The following HELLS variants were observed in gnomAD, a reference collection of about 807,000 sequenced individuals.
The protein encoded by HELLS is helicase, lymphoid specific.
A neutral mutation model predicts 120.0 loss-of-function variants in HELLS; 32 were observed. The ratio of observed to expected loss-of-function variants is 0.27; its 90% CI spans 0.20 to 0.36. The LOEUF is 0.36. Ranked by LOEUF, HELLS falls within the 10% of genes least tolerant of loss-of-function variation. The pLI is 1.00. For missense variants in HELLS, 650 were observed against 993.4 expected, an observed-to-expected ratio of 0.65 and a Z score of 4.65; for synonymous variants, 341 against 323.4, an observed-to-expected ratio of 1.05 and a Z score of -0.58.
downstream of HELLS, among the ~76,000 whole-genome samples, chr10:94,606,073 C>CTT (rs1453734069): frequency 8.6e-6 from 1 of 116,356 alleles, no homozygotes; most frequent in Non-Finnish European, 1.8e-5. Flanking sequence ...TTTTTTTTTT[C>CTT]TTTTTTTTTT....
chr10:94,591,190 A>C (rs1845473445), intron 15 of HELLS, among the ~76,000 whole-genome samples: 1 of 152,162 alleles, frequency 6.6e-6, no homozygotes, highest in Non-Finnish European at 1.5e-5. Flanking sequence ...AGAATTCTAA[A>C]TTTAGTAATT....
chr10:94,575,418 T>G (rs952230097), intron 9 of HELLS, among the ~76,000 whole-genome samples: 2 of 151,780 alleles, frequency 1.3e-5, no homozygotes, highest in African/African-American at 4.8e-5. Flanking sequence ...CTTCTGCACA[T>G]TTTTGCCTTA....
At position 94,595,227 on chromosome 10, in the gene HELLS, C is replaced by CAA. The variant is rs35805834; in HGVS notation, c.2248+383_2248+384dup. Among the ~76,000 whole-genome samples, 48 of 145,758 alleles carry CAA rather than the reference C, an allele frequency of 3.3e-4. No homozygotes were observed. In the South Asian group the frequency reaches 7.4e-3, roughly 22 times the overall value. On this transcript the variant is annotated intron_variant, in intron 19 of 21. Transcript: ENST00000348459. ...TGGGTAACAGAACAAGACTCTGTCTCAAAAAAAAAAATATTAACAGCCTGA... is the reference window on the plus strand; with the variant it reads ...TGGGTAACAGAACAAGACTCTGTCTCAAAAAAAAAAAAATATTAACAGCCTGA...
chr10:94,602,729 G>C (rs1846077241), downstream of HELLS, among the ~76,000 whole-genome samples: 1 of 152,160 alleles, frequency 6.6e-6, no homozygotes, highest in Non-Finnish European at 1.5e-5. Context: ...TTGAGGTACA[G>C]GTGGGTTTTG....
At chr10:94,546,854 A>C (rs1341721637) in intron 2 of HELLS, among the ~76,000 whole-genome samples, 2 of 152,194 alleles carry the variant, frequency 1.3e-5, no homozygotes, top group Non-Finnish European at 2.9e-5. Flanking sequence ...GTCTCATGGC[A>C]AACAGGAATC....
chr10:94,607,283 G>T (rs1442357607), intron 8 of HELLS, among the ~76,000 whole-genome samples: 1 of 152,110 alleles, frequency 6.6e-6, no homozygotes, highest in South Asian at 2.1e-4. Context: ...TTTCATTTCT[G>T]TTGTCTATTG....
chr10:94,571,458 T>A, intron 7 of HELLS, 29 bp downstream of exon 7: 1 of 1,462,050 alleles, frequency 6.8e-7, no homozygotes, highest in East Asian at 2.3e-5. Context: ...AAGATTAAGT[T>A]TAGAAGTCAT....
Position 94,574,086 on chromosome 10 carries a change from G to T in HELLS, c.604G>T (p.Val202Phe). 3 of 1,613,922 alleles carry T rather than the reference G, an allele frequency of 1.9e-6. No homozygotes were observed. Among genetic ancestry groups the T allele is most frequent in the Non-Finnish European group, 2.5e-6 (3 of 1,179,904 alleles). Residue 202 changes from valine (V) to phenylalanine (F), a missense_variant, in exon 8 of 22, where the codon GTC becomes TTC. Around this residue, in one of 9 missense-constraint regions of HELLS, gnomAD observed 113 missense variants for 120.7 expected, o/e 0.94. Coordinates refer to ENST00000348459, the MANE Select transcript of HELLS (RefSeq NM_018063.5). ...GAATACTAAATTCTTTTTTGACCCA[G>T]TCCGGAAGTGTAATGGTCAGCCAGT... ...RQNTKFFFDP[V>F]RKCNGQPVPF...
intron 18 of HELLS, among the ~76,000 whole-genome samples, chr10:94,593,864 T>G (rs531767618): frequency 6.6e-6 from 1 of 152,094 alleles, no homozygotes; most frequent in Non-Finnish European, 1.5e-5. Flanking sequence ...GGTTTTGCCA[T>G]GTTGGCCAGG....
chr10:94,568,689 T>A (rs1438455119), intron 6 of HELLS, among the ~76,000 whole-genome samples: 1 of 152,216 alleles, frequency 6.6e-6, no homozygotes, highest in Non-Finnish European at 1.5e-5. Context: ...TAGAAAAATT[T>A]GAGAATAAAC....
At chr10:94,592,126 T>G in intron 15 of HELLS, 103 bp from the exon 16 acceptor site, 1 of 801,506 alleles carries the variant, frequency 1.2e-6, no homozygotes, top group South Asian at 1.8e-5. Context: ...TTAAGTTTTT[T>G]AAGTGACTTG....
intron 7 of HELLS, among the ~76,000 whole-genome samples, chr10:94,571,986 GTAGT>G (rs1311914391): frequency 4.6e-5 from 7 of 152,066 alleles, no homozygotes; most frequent in Non-Finnish European, 1.0e-4. Context: ...TGAACTTCAG[GTAGT>G]TAATTTACAT....
At chr10:94,578,012 G>C (rs1171226767) in intron 10 of HELLS, among the ~76,000 whole-genome samples, 1 of 146,560 alleles carries the variant, frequency 6.8e-6, no homozygotes, top group Non-Finnish European at 1.5e-5. Context: ...GCAGTGAGCC[G>C]AGATTGCGCC....
At chr10:94,570,778 C>G (rs1053191628) in intron 6 of HELLS, 2 of 152,040 alleles carry the variant, frequency 1.3e-5, no homozygotes, top group Non-Finnish European at 2.9e-5. Context: ...GTCTTTGCCT[C>G]TTACCCAGGA....
At chr10:94,558,344 A>T in intron 4 of HELLS, 149 bp downstream of exon 4, 7 of 979,964 alleles carry the variant, frequency 7.1e-6, no homozygotes, top group Non-Finnish European at 9.7e-6. Context: ...AAACATGTAA[A>T]ATCTGTTCCT....
At chr10:94,582,400 T>A (rs1299718719) in intron 11 of HELLS, among the ~76,000 whole-genome samples, 1 of 152,196 alleles carries the variant, frequency 6.6e-6, no homozygotes, top group Admixed American at 6.5e-5. Context: ...TCTAGTCTAC[T>A]GCATAAATGT....
intron 21 of HELLS, 37 bp from the exon 22 acceptor site, chr10:94,601,491 C>T (rs1399337286): frequency 3.8e-6 from 4 of 1,064,998 alleles, no homozygotes; most frequent in Admixed American, 1.9e-5. Context: ...TCTTCTTATA[C>T]TTCTAAAATG....
chr10:94,568,597 G>C (rs181859388), intron 6 of HELLS, among the ~76,000 whole-genome samples: 493 of 152,186 alleles, frequency 3.2e-3, no homozygotes, highest in Non-Finnish European at 5.9e-3. Flanking sequence ...AAGAGTACCA[G>C]ATTGGTTTTT....
intron 2 of HELLS, 21 bp downstream of exon 2, chr10:94,546,519 G>T (rs370780296): frequency 6.2e-7 from 1 of 1,613,570 alleles, no homozygotes; most frequent in South Asian, 1.1e-5. Context: ...CATCAGGTTC[G>T]TCGTCGTGAA....
Sources: gnomAD v4.1 joint callset for allele counts (sites outside exome capture counted in the v4.1 genomes callset) on GRCh38, gnomAD v4.1.1 for gene constraint, gnomAD v4.1.1 regional missense constraint, MANE v1.5 for transcripts, NCBI Gene and HGNC (gene_info 2026-07-23, HGNC 2026-07-21) for gene names.